The following SETX variants were observed in gnomAD, a reference collection of about 807,000 sequenced individuals.
SETX encodes the protein senataxin.
A neutral mutation model predicts 227.2 loss-of-function variants in SETX; 90 were observed. The observed-to-expected ratio is 0.40, with a 90% CI of 0.33 to 0.47. The LOEUF (loss-of-function observed/expected upper bound fraction) is 0.47. Among genes scored for constraint, SETX ranks in the 20% least tolerant of loss-of-function variants. The pLI is 0.91. For synonymous variants in SETX, 1,210 were observed against 1,113.2 expected, an observed-to-expected ratio of 1.09 and a Z score of -1.73; for missense variants, 3,052 against 3,181.5, an observed-to-expected ratio of 0.96 and a Z score of 0.98.
chr9:132,265,070 C>T (rs1842572790), intron 25 of SETX, 85 bp from the exon 26 acceptor site: 1 of 1,442,598 alleles, frequency 6.9e-7, no homozygotes, highest in Non-Finnish European at 9.6e-7. Context: ...CATTTCTGAA[C>T]AAATAATACA....
Position 132,334,639 on chromosome 9 carries a change from C to A in SETX, c.807G>T (p.Ser269=). ...CTTCCCTCTCCATAGTGTGAAGTAT[C>A]GATTGCATAAAATCATTTTGTTTGT... ...GSDKQNDFMQ[S]ILHTMEREAD... is the part of the protein sequence containing the mutation. The change falls in exon 7 of 26, where the codon TCG becomes TCT. Residue 269 remains serine, a synonymous_variant. Transcript: ENST00000224140. The A allele has an allele frequency of 6.2e-7, 1 of 1,613,998 alleles. No individual in the cohort carries two copies. The highest frequency in any genetic ancestry group is 8.5e-7 in the Non-Finnish European group (1 of 1,179,916).
chr9:132,326,566 C>T lies in SETX; in HGVS notation c.5032G>A (p.Glu1678Lys), dbSNP rs1846782415. 6.2e-7 allele frequency: 1 copy of T among 1,614,058 alleles called. No individual in the cohort carries two copies. The highest frequency in any genetic ancestry group is 1.1e-5 in the South Asian group (1 of 91,082). Residue 1678 changes from glutamate to lysine, a missense_variant, in exon 10 of 26, where the codon GAA (glutamate) becomes AAA (lysine). By Grantham distance (56) the Glu-to-Lys change is moderately conservative. Around this residue, in one of 10 missense-constraint regions of SETX, gnomAD observed 1,483 missense variants for 1,312.0 expected, o/e 1.13. Transcript: ENST00000224140. ...GAGGAAGATGGAAAATATTTGCTTT[C>T]ACCAAATGGAACTTTGCAACCTTGC... is the stretch of plus-strand genomic sequence containing the variant. The part of the protein sequence containing the change: ...NRQGCKVPFG[E>K]SKYFPSSSPV...
intron 11 of SETX, among the ~76,000 whole-genome samples, chr9:132,307,199 G>T (rs1845383503): frequency 6.6e-6 from 1 of 152,142 alleles, no homozygotes; most frequent in Non-Finnish European, 1.5e-5. Flanking sequence ...AAGTTGCAGT[G>T]AGCCAAGATC....
intron 17 of SETX, 104 bp from the exon 18 acceptor site, chr9:132,286,598 A>G: frequency 1.2e-6 from 1 of 814,782 alleles, no homozygotes; most frequent in South Asian, 1.4e-5. Context: ...TTCACCAATG[A>G]AAAATGTATT....
Position 132,296,829 on chromosome 9 carries a change from CA to C in SETX, c.5949+57del, listed in dbSNP as rs1028036241. 2.7e-6 allele frequency: 4 copies of C among 1,503,764 alleles called. No homozygotes were observed. The African/African-American group carries it at 5.5e-5, about 21-fold the overall frequency. The allele number at this position is 1,503,764 out of a possible 1,614,324, so 93.2% of individuals were successfully genotyped here. ...ATACTTATTTACATGTCAGTTAACT[CA>C]AGTAAAGTAAAATGATACAGCTAGT... On this transcript the variant is annotated intron_variant, in intron 14 of 25. Coordinates refer to ENST00000224140, the MANE Select transcript of SETX (RefSeq NM_015046.7).
intron 25 of SETX, among the ~76,000 whole-genome samples, chr9:132,267,619 G>C (rs1842709927): frequency 1.3e-5 from 2 of 152,248 alleles, no homozygotes; most frequent in Non-Finnish European, 2.9e-5. Flanking sequence ...ATGTCGGGAA[G>C]TTTCAGATTC....
intron 12 of SETX, among the ~76,000 whole-genome samples, chr9:132,298,796 A>G (rs1317289245): frequency 6.6e-6 from 1 of 152,190 alleles, no homozygotes; most frequent in Non-Finnish European, 1.5e-5. Flanking sequence ...TAGGGAGAAG[A>G]ACGCTTAGCG....
chr9:132,270,631 A>C (rs1327833077), intron 24 of SETX, among the ~76,000 whole-genome samples: 3 of 152,246 alleles, frequency 2.0e-5, no homozygotes, highest in Non-Finnish European at 4.4e-5. Flanking sequence ...TCCTATTTTT[A>C]CCTGGATAAG....
rs1843492718 is a variant in SETX at position 132,281,401 on chromosome 9, C to T, written c.6654+66G>A. On this transcript the variant is annotated intron_variant, in intron 20 of 25. Transcript: ENST00000224140. ...GCCAATCCAAGAAAGATGTCTCTCCCTCCTGAAAACAAAAATTTTAAAAAG... is the reference window on the plus strand; with the variant it reads ...GCCAATCCAAGAAAGATGTCTCTCCTTCCTGAAAACAAAAATTTTAAAAAG... 3.5e-6 allele frequency: 4 copies of T among 1,145,506 alleles called. No individual in the cohort carries two copies. The South Asian group carries it at 3.7e-5, about 11-fold the overall frequency. The allele number at this position is 1,145,506 out of a possible 1,614,324, so 71.0% of individuals were successfully genotyped here. A position where few individuals can be genotyped will look rare whatever the true frequency, so the allele number is the denominator to read the frequency against.
chr9:132,288,514 G>A lies in SETX; in HGVS notation c.6208+36C>T, dbSNP rs201631861. ...AAGTCATTTTCCACCAAACAAAACA[G>A]AGAAAACACTAGTATATACCACATT... On this transcript the variant is annotated intron_variant, in intron 16 of 25. Transcript: ENST00000224140. 29 of 1,540,440 alleles carry A rather than the reference G, an allele frequency of 1.9e-5. No individual in the cohort carries two copies. In the African/African-American group the frequency reaches 3.7e-4, roughly 20 times the overall value.
At chr9:132,333,807 G>C (rs1285897566) in intron 7 of SETX, among the ~76,000 whole-genome samples, 1 of 152,166 alleles carries the variant, frequency 6.6e-6, no homozygotes, top group East Asian at 1.9e-4. Context: ...TTCTGTCTCT[G>C]CATTGTTCAA....
At position 132,326,903 on chromosome 9, in the gene SETX, G is replaced by A. The variant is rs1846823704; in HGVS notation, c.4695C>T (p.Cys1565=). 2.5e-6 allele frequency: 4 copies of A among 1,614,022 alleles called. No homozygotes were observed. In the African/African-American group the frequency reaches 5.3e-5, roughly 22 times the overall value. Residue 1565 remains cysteine (C), a synonymous_variant, in exon 10 of 26, where the codon TGC becomes TGT. Transcript: ENST00000224140. ...CTGCTTTCACTTCAGAGTGTTTTGG[G>A]CAGTATTCACCCTGGTTTTTTGTGG... The part of the protein sequence containing the change: ...LETTKNQGEY[C]PKHSEVKAAD...
Position 132,296,174 on chromosome 9 carries a change from T to C in SETX, c.5950-146A>G, listed in dbSNP as rs533895832. ...AAAAATAAATAAAAGCATCTACATCTAACACTGATATTTAAAATTACTCCA... is the reference window on the plus strand; with the variant it reads ...AAAAATAAATAAAAGCATCTACATCCAACACTGATATTTAAAATTACTCCA... On this transcript the variant is annotated intron_variant, in intron 14 of 25. Coordinates refer to ENST00000224140, the MANE Select transcript of SETX (RefSeq NM_015046.7). The C allele has an allele frequency of 1.7e-5, 17 of 998,578 alleles. 1 individual carries two copies. The Admixed American group carries it at 3.8e-4, about 22-fold the overall frequency. 61.9% of individuals were successfully genotyped at this position (998,578 alleles called of 1,614,324 possible).
Position 132,329,320 on chromosome 9 carries a change from T to C in SETX, c.2278A>G (p.Thr760Ala), listed in dbSNP as rs373647065. ...TTTAAAGAGAAATCTTCATTCGATG[T>C]GGACACTTTTTCCAAAGCATCAGTG... is the stretch of plus-strand genomic sequence containing the variant. ...SSTDALEKVSTSNEDFSLKDD... is the reference protein window; with the variant it reads ...SSTDALEKVSASNEDFSLKDD... The change falls in exon 10 of 26, where the codon ACA becomes GCA. Residue 760 changes from threonine to alanine, a missense_variant. This residue lies in a region of SETX where 1,483 missense variants were observed against 1,312.0 expected (regional missense o/e 1.13). Coordinates refer to ENST00000224140, the MANE Select transcript of SETX (RefSeq NM_015046.7). 8.7e-6 allele frequency: 14 copies of C among 1,613,784 alleles called. No homozygotes were observed. Among genetic ancestry groups the C allele is most frequent in the Admixed American group, 1.7e-5 (1 of 59,980 alleles).
At chr9:132,271,670 T>G (rs373934186) in intron 24 of SETX, 40 bp downstream of exon 24, 9 of 1,474,946 alleles carry the variant, frequency 6.1e-6, no homozygotes, top group South Asian at 1.1e-5. Context: ...CAAGCAACAA[T>G]GTATACAAGT....
intron 11 of SETX, among the ~76,000 whole-genome samples, chr9:132,309,716 G>T (rs1301310908): frequency 6.6e-6 from 1 of 151,900 alleles, no homozygotes; most frequent in East Asian, 1.9e-4. Context: ...CATAAAAAAT[G>T]TACCCTAGGG....
intron 15 of SETX, 35 bp downstream of exon 15, chr9:132,295,837 C>A: frequency 6.3e-7 from 1 of 1,598,108 alleles, no homozygotes; most frequent in Non-Finnish European, 8.5e-7. Context: ...ACACTGAAAA[C>A]AAAAACAAAT....
chr9:132,334,354 A>G (rs1395951421), intron 7 of SETX, among the ~76,000 whole-genome samples: 1 of 152,214 alleles, frequency 6.6e-6, no homozygotes, highest in Non-Finnish European at 1.5e-5. Flanking sequence ...AGGCTGAGAC[A>G]GGGGAATTTC....
At position 132,288,267 on chromosome 9, in the gene SETX, C is replaced by A; in HGVS notation, c.6293G>T (p.Arg2098Leu). 6.2e-7 allele frequency: 1 copy of A among 1,614,168 alleles called. No homozygotes were observed. The highest frequency in any genetic ancestry group is 8.5e-7 in the Non-Finnish European group (1 of 1,179,996). The change falls in exon 17 of 26, where the codon CGA becomes CTA. Residue 2098 changes from arginine (R) to leucine (L), a missense_variant. Coordinates refer to ENST00000224140, the MANE Select transcript of SETX (RefSeq NM_015046.7). Reference protein sequence around the residue: ...DYQLDELSRQRALCRGGREIQ... With the variant: ...DYQLDELSRQLALCRGGREIQ... ...TTCCCGTCCACCTCGGCATAGAGCT[C>A]GCTGCCGGGAAAGCTCATCCAGCTG... is the stretch of plus-strand genomic sequence containing the variant.
Sources: gnomAD v4.1 joint callset for allele counts (sites outside exome capture counted in the v4.1 genomes callset) on GRCh38, gnomAD v4.1.1 for gene constraint, gnomAD v4.1.1 regional missense constraint, MANE v1.5 for transcripts, NCBI Gene and HGNC (gene_info 2026-07-23, HGNC 2026-07-21) for gene names.